Variants in NXPH1 observed in about 807,000 individuals in gnomAD.
NXPH1 encodes neurexophilin-1.
In NXPH1, 5 loss-of-function variants were observed where a neutral mutation model predicts 23.7. The ratio of observed to expected loss-of-function variants is 0.21; its 90% CI spans 0.11 to 0.44. The LOEUF (loss-of-function observed/expected upper bound fraction) is 0.44. NXPH1 is among the 20% of genes least tolerant of loss of function. The probability of loss-of-function intolerance (pLI) is 0.99; values close to 1 mark genes in which losing one functional copy is unlikely to be tolerated. For missense variants in NXPH1, 324 were observed against 321.6 expected, an observed-to-expected ratio of 1.01 and a Z score of -0.06; for synonymous variants, 144 against 122.2, an observed-to-expected ratio of 1.18 and a Z score of -1.18.
chr7:8,579,801 A>G (rs570553122), intron 2 of NXPH1, among the ~76,000 whole-genome samples: 1 of 152,362 alleles, frequency 6.6e-6, no homozygotes, highest in Admixed American at 6.5e-5. Context: ...CATAGATCAC[A>G]GGGGCTATCA....
intron 2 of NXPH1, among the ~76,000 whole-genome samples, chr7:8,732,350 C>T (rs1360685420): frequency 6.6e-6 from 1 of 152,228 alleles, no homozygotes; most frequent in Non-Finnish European, 1.5e-5. Flanking sequence ...TCCCATTCGG[C>T]CATCTTGGCT....
chr7:8,641,990 T>C (rs1820321357), intron 2 of NXPH1, among the ~76,000 whole-genome samples: 1 of 152,198 alleles, frequency 6.6e-6, no homozygotes, highest in Admixed American at 6.5e-5. Context: ...CCTGGAGCCC[T>C]GCACCTTCCT....
chr7:8,465,048 G>A (rs1816758819), intron 2 of NXPH1, among the ~76,000 whole-genome samples: 2 of 152,130 alleles, frequency 1.3e-5, no homozygotes, highest in South Asian at 2.1e-4. Flanking sequence ...ATTAAGAGGC[G>A]GATATAGATA....
intron 2 of NXPH1, among the ~76,000 whole-genome samples, chr7:8,740,572 C>T (rs1411947961): frequency 6.6e-6 from 1 of 152,158 alleles, no homozygotes; most frequent in Non-Finnish European, 1.5e-5. Context: ...GTAATACAGG[C>T]TCCTGGAGCC....
chr7:8,751,634 ATCCTGGCTCTGC>A lies in NXPH1; in HGVS notation c.685_696del (p.Trp229_Ser232del). 6.2e-7 allele frequency: 1 copy of A among 1,613,562 alleles called. No homozygotes were observed. The highest frequency in any genetic ancestry group is 8.5e-7 in the Non-Finnish European group (1 of 1,179,746). ...ACCAGGAGCAAACCCAAAGTCATGT[ATCCTGGCTCTGC>A]TCCAAGCCCTTTAAGGTGATCTGTA... On this transcript the variant is annotated inframe_deletion, in exon 3 of 3. Coordinates refer to ENST00000405863, the MANE Select transcript of NXPH1 (RefSeq NM_152745.3). The surrounding 1 kb of genome is among the most constrained non-coding windows in gnomAD (Gnocchi z 4.5).
At chr7:8,605,425 G>A (rs1011871273) in intron 2 of NXPH1, among the ~76,000 whole-genome samples, 2 of 152,080 alleles carry the variant, frequency 1.3e-5, no homozygotes, top group Admixed American at 6.6e-5. Context: ...CAATCAAAAC[G>A]GTGATGGATA....
chr7:8,478,310 G>A (rs893368870), intron 2 of NXPH1, among the ~76,000 whole-genome samples: 1 of 151,962 alleles, frequency 6.6e-6, no homozygotes, highest in Admixed American at 6.6e-5. Context: ...TTAAGAAAAT[G>A]GCTCAATATA....
chr7:8,569,539 T>C (rs1282739426), intron 2 of NXPH1, among the ~76,000 whole-genome samples: 1 of 151,852 alleles, frequency 6.6e-6, no homozygotes, highest in Non-Finnish European at 1.5e-5. Flanking sequence ...TTTAAAGCTG[T>C]TCAGTAATAA....
At chr7:8,722,028 G>A (rs1339249318) in intron 2 of NXPH1, among the ~76,000 whole-genome samples, 2 of 152,056 alleles carry the variant, frequency 1.3e-5, no homozygotes, top group African/African-American at 4.8e-5. Context: ...GACTTTCAAG[G>A]CTTGTAGCAG....
chr7:8,655,016 A>G (rs1016939003), intron 2 of NXPH1, among the ~76,000 whole-genome samples: 5 of 152,104 alleles, frequency 3.3e-5, no homozygotes, highest in South Asian at 2.1e-4. Context: ...AGGAAACTCA[A>G]CTTTCCATGA....
chr7:8,461,682 T>G, intron 2 of NXPH1, among the ~76,000 whole-genome samples: 1 of 147,144 alleles, frequency 6.8e-6, no homozygotes, highest in Non-Finnish European at 1.5e-5. Flanking sequence ...TACAAAAAAT[T>G]AGCCGGGCGC....
At position 8,644,447 on chromosome 7, in the gene NXPH1, A is replaced by G. The variant is rs57206626; in HGVS notation, c.55-106561A>G. 5.6e-4 allele frequency among the ~76,000 whole-genome samples: 85 copies of G among 152,136 alleles called. No homozygotes were observed. The East Asian group carries it at 0.016, about 28-fold the overall frequency. ...GCCTACTTTCGGTTGAAGTTTTTTCACTGTAGTTTCTCTCAGTTTGATCGT... is the reference window on the plus strand; with the variant it reads ...GCCTACTTTCGGTTGAAGTTTTTTCGCTGTAGTTTCTCTCAGTTTGATCGT... On this transcript the variant is annotated intron_variant, in intron 2 of 2. Coordinates refer to ENST00000405863, the MANE Select transcript of NXPH1 (RefSeq NM_152745.3).
intron 2 of NXPH1, among the ~76,000 whole-genome samples, chr7:8,572,253 A>G (rs932736567): frequency 6.6e-6 from 1 of 152,030 alleles, no homozygotes; most frequent in African/African-American, 2.4e-5. Flanking sequence ...TGCAATATAT[A>G]TATTGCAGAT....
intron 2 of NXPH1, among the ~76,000 whole-genome samples, chr7:8,641,822 T>G (rs1471743010): frequency 1.3e-5 from 2 of 152,204 alleles, no homozygotes; most frequent in African/African-American, 4.8e-5. Flanking sequence ...TTTTTGTCCT[T>G]ATTTGAGTTA....
intron 2 of NXPH1, among the ~76,000 whole-genome samples, chr7:8,554,752 T>C (rs901403525): frequency 6.6e-6 from 1 of 151,704 alleles, no homozygotes; most frequent in Non-Finnish European, 1.5e-5. Context: ...GGAAGGCTCT[T>C]TGCTTGAAAT....
At chr7:8,649,354 C>G (rs908107934) in intron 2 of NXPH1, among the ~76,000 whole-genome samples, 3 of 151,810 alleles carry the variant, frequency 2.0e-5, no homozygotes, top group African/African-American at 7.3e-5. Flanking sequence ...TTTTGTTTTA[C>G]TTTTTCCATT....
At chr7:8,653,579 C>T (rs1820523569) in intron 2 of NXPH1, among the ~76,000 whole-genome samples, 1 of 152,068 alleles carries the variant, frequency 6.6e-6, no homozygotes, top group Non-Finnish European at 1.5e-5. Context: ...GTTATACTAC[C>T]TTTTTCAATT....
intron 2 of NXPH1, among the ~76,000 whole-genome samples, chr7:8,584,833 T>C (rs564763676): frequency 1.2e-4 from 19 of 152,318 alleles, no homozygotes; most frequent in African/African-American, 4.6e-4. Flanking sequence ...CTCAGTGGCC[T>C]TTTCACATTA....
intron 2 of NXPH1, among the ~76,000 whole-genome samples, chr7:8,501,431 A>G (rs6463816): frequency 2.0e-5 from 3 of 151,790 alleles, no homozygotes; most frequent in Non-Finnish European, 1.5e-5. Context: ...GCCTTTAAAA[A>G]TGTGGATTCC....
Sources: allele counts gnomAD v4.1 joint callset (sites outside exome capture counted in the v4.1 genomes callset), GRCh38; gene constraint gnomAD v4.1.1; non-coding constraint Gnocchi (gnomAD v3.1); transcripts MANE v1.5; gene names NCBI Gene and HGNC (gene_info 2026-07-23, HGNC 2026-07-21).